PTPRT: variants seen among roughly 807,000 people sequenced by gnomAD.
PTPRT encodes protein tyrosine phosphatase receptor type T.
PTPRT carries 56 observed loss-of-function variants against 176.8 expected under a neutral mutation model. That is an observed-to-expected ratio of 0.32 (90% CI 0.26 to 0.40). The LOEUF (loss-of-function observed/expected upper bound fraction) is 0.40. Among genes scored for constraint, PTPRT ranks in the 10% least tolerant of loss-of-function variants. PTPRT has a pLI of 1.00. For synonymous variants in PTPRT, 783 were observed against 739.0 expected, an observed-to-expected ratio of 1.06 and a Z score of -0.96; for missense variants, 1,540 against 1,908.2, an observed-to-expected ratio of 0.81 and a Z score of 3.60.
chr20:42,459,324 G>A (rs542641796), intron 8 of PTPRT, among the ~76,000 whole-genome samples: 9 of 152,202 alleles, frequency 5.9e-5, no homozygotes, highest in Non-Finnish European at 1.2e-4. Context: ...GTGAGCTACC[G>A]TGAAACTTCG....
intron 2 of PTPRT, among the ~76,000 whole-genome samples, chr20:42,856,498 T>G (rs1038828255): frequency 1.3e-5 from 2 of 151,898 alleles, no homozygotes; most frequent in Non-Finnish European, 2.9e-5. Flanking sequence ...CCAGGAAAAT[T>G]AAAGAGAATT....
intron 1 of PTPRT, among the ~76,000 whole-genome samples, chr20:43,129,286 C>T (rs922990381): frequency 1.3e-5 from 2 of 152,164 alleles, no homozygotes; most frequent in African/African-American, 4.8e-5. Flanking sequence ...GGACCACCGC[C>T]TGTGATCCTT....
chr20:42,724,697 C>G (rs2076352243), intron 6 of PTPRT, among the ~76,000 whole-genome samples: 1 of 152,140 alleles, frequency 6.6e-6, no homozygotes, highest in South Asian at 2.1e-4. Flanking sequence ...CTTTGGGAGG[C>G]CAAGACAGGA....
At chr20:42,285,876 A>G in intron 12 of PTPRT, among the ~76,000 whole-genome samples, 1 of 151,974 alleles carries the variant, frequency 6.6e-6, no homozygotes, top group Non-Finnish European at 1.5e-5. Flanking sequence ...AAAATCAGTA[A>G]TGTTTCTATA....
intron 7 of PTPRT, among the ~76,000 whole-genome samples, chr20:42,596,483 C>T (rs570003034): frequency 3.9e-5 from 6 of 152,252 alleles, no homozygotes; most frequent in Non-Finnish European, 7.4e-5. Flanking sequence ...AATGAGAAAA[C>T]GCTCATATCC....
At chr20:42,478,153 G>C (rs1357987124) in intron 7 of PTPRT, among the ~76,000 whole-genome samples, 1 of 152,208 alleles carries the variant, frequency 6.6e-6, no homozygotes, top group Non-Finnish European at 1.5e-5. Flanking sequence ...TGAGGACTGA[G>C]GTTGCTGTGC....
At chr20:43,115,132 C>T (rs2013008295) in intron 1 of PTPRT, among the ~76,000 whole-genome samples, 1 of 152,156 alleles carries the variant, frequency 6.6e-6, no homozygotes, top group South Asian at 2.1e-4. Flanking sequence ...TCTTTCCCCC[C>T]AATTACTTAT....
the PTPRT span, chr20:42,063,993 T>C: frequency 6.6e-6 from 1 of 151,858 alleles, no homozygotes; most frequent in African/African-American, 2.4e-5. Context: ...AACTTTGCTT[T>C]GGTGATTTGT....
At chr20:42,471,399 G>A (rs1007675395) in intron 8 of PTPRT, among the ~76,000 whole-genome samples, 9 of 152,082 alleles carry the variant, frequency 5.9e-5, no homozygotes, top group African/African-American at 1.9e-4. Context: ...CTGTCTTCGC[G>A]ACAGTGAGTG....
chr20:42,322,717 A>G (rs2057818547), intron 11 of PTPRT, among the ~76,000 whole-genome samples: 1 of 152,038 alleles, frequency 6.6e-6, no homozygotes, highest in Non-Finnish European at 1.5e-5. Flanking sequence ...CTTCATGTCT[A>G]AAACACCAAA....
At chr20:42,397,420 C>T (rs1747085250) in intron 9 of PTPRT, among the ~76,000 whole-genome samples, 1 of 152,158 alleles carries the variant, frequency 6.6e-6, no homozygotes, top group South Asian at 2.1e-4. Context: ...GTGTAGTACC[C>T]AATAGGTAGT....
intron 7 of PTPRT, among the ~76,000 whole-genome samples, chr20:42,614,498 A>G (rs2867486): frequency 0.21 from 31,897 of 151,976 alleles, 4,556 homozygotes; most frequent in African/African-American, 0.41. Context: ...TCCAAGTGAT[A>G]GCGTGGGTTC....
intron 7 of PTPRT, among the ~76,000 whole-genome samples, chr20:42,621,171 TGC>T (rs1182365865): frequency 6.6e-6 from 1 of 152,176 alleles, no homozygotes; most frequent in African/African-American, 2.4e-5. Flanking sequence ...TTTCCCCCTC[TGC>T]CCTGTCCTAA....
Position 42,148,984 on chromosome 20 carries a change from C to T in PTPRT, c.2683-6982G>A, listed in dbSNP as rs542613789. On this transcript the variant is annotated intron_variant, in intron 17 of 30. Transcript: ENST00000373187. ...TTAGGGCCTCTTTCAAATCAGCAAA[C>T]ACAGCCCACATTCTGAGTCCTTCCT... Among the ~76,000 whole-genome samples, 5 of 152,282 alleles carry T rather than the reference C, an allele frequency of 3.3e-5. 1 individual carries two copies. In the South Asian group the frequency reaches 1.0e-3, roughly 32 times the overall value.
At chr20:42,356,464 G>A (rs1004601391) in intron 9 of PTPRT, among the ~76,000 whole-genome samples, 8 of 152,128 alleles carry the variant, frequency 5.3e-5, no homozygotes, top group Non-Finnish European at 1.0e-4. Flanking sequence ...GGAGGCTGAG[G>A]CAGGTGGATC....
At chr20:43,087,184 C>T (rs1196668539) in intron 1 of PTPRT, among the ~76,000 whole-genome samples, 1 of 152,092 alleles carries the variant, frequency 6.6e-6, no homozygotes, top group African/African-American at 2.4e-5. Flanking sequence ...CAGAATGTCA[C>T]AGAAATGGAA....
intron 1 of PTPRT, among the ~76,000 whole-genome samples, chr20:43,085,672 T>C (rs2011584161): frequency 6.6e-6 from 1 of 152,164 alleles, no homozygotes; most frequent in African/African-American, 2.4e-5. Flanking sequence ...CCATCAGTTC[T>C]CATGAGACTT....
Position 43,066,175 on chromosome 20 carries a change from A to T in PTPRT, c.88+123471T>A, listed in dbSNP as rs976011341. Among the ~76,000 whole-genome samples, 15 of 152,212 alleles carry T rather than the reference A, an allele frequency of 9.9e-5. No individual in the cohort carries two copies. The East Asian group carries it at 2.9e-3, about 29-fold the overall frequency. On this transcript the variant is annotated intron_variant, in intron 1 of 30. Coordinates refer to ENST00000373187, the MANE Select transcript of PTPRT (RefSeq NM_007050.6). ...AACTATACACGTGGCAGGTGCCTGT[A>T]TGAGGTACAAGGACAAAGGCTCTCA...
At chr20:43,023,709 G>C (rs1985797198) in intron 1 of PTPRT, among the ~76,000 whole-genome samples, 1 of 152,144 alleles carries the variant, frequency 6.6e-6, no homozygotes, top group African/African-American at 2.4e-5. Flanking sequence ...GCACAGTTCA[G>C]CTCTGGCCCA....
Sources: gnomAD v4.1 joint callset for allele counts (sites outside exome capture counted in the v4.1 genomes callset) on GRCh38, gnomAD v4.1.1 for gene constraint, MANE v1.5 for transcripts, NCBI Gene and HGNC (gene_info 2026-07-23, HGNC 2026-07-21) for gene names.